KIAA1755: variants seen among roughly 807,000 people sequenced by gnomAD.
KIAA1755 encodes the protein KIAA1755.
Under a neutral mutation model 91.7 loss-of-function variants are expected in KIAA1755, and 68 were observed. The ratio of observed to expected loss-of-function variants is 0.74; its 90% CI spans 0.61 to 0.91. The LOEUF (loss-of-function observed/expected upper bound fraction) is 0.91. KIAA1755 is among the 40% of genes least tolerant of loss of function. The pLI, the probability that KIAA1755 is intolerant of heterozygous loss-of-function variation, is 0.00. For synonymous variants in KIAA1755, 610 were observed against 604.6 expected (o/e 1.01, Z -0.13); for missense variants, 1,535 against 1,494.4 (o/e 1.03, Z -0.45).
At chr20:38,221,633 G>A (rs1276945396) in intron 10 of KIAA1755, among the ~76,000 whole-genome samples, 2 of 152,136 alleles carry the variant, frequency 1.3e-5, no homozygotes, top group Admixed American at 6.5e-5. Flanking sequence ...AGCTACCTCG[G>A]AGTGAATTAA....
chr20:38,255,689 G>T (rs759713800), intron 1 of KIAA1755, among the ~76,000 whole-genome samples: 1 of 152,044 alleles, frequency 6.6e-6, no homozygotes, highest in African/African-American at 2.4e-5. Flanking sequence ...TTTTATTTTT[G>T]TGTGGGTGGA....
In KIAA1755 at chr20:38,240,652, G is replaced by A; in HGVS notation, c.1479C>T (p.His493=). The change falls in exon 3 of 14, where the codon CAC becomes CAT. Residue 493 remains histidine, a synonymous_variant. Coordinates refer to ENST00000279024, the MANE Select transcript of KIAA1755 (RefSeq NM_001029864.2). ...SVTPEKASLQ[H]NGPWKVLCSL... is the part of the protein sequence containing the mutation. ...AACACAGGACTTTCCAGGGCCCATT[G>A]TGCTGGAGTGAGGCTTTCTCCGGGG... The A allele has an allele frequency of 6.5e-7, 1 of 1,533,846 alleles. No homozygotes were observed. The highest frequency in any genetic ancestry group is 2.3e-5 in the East Asian group (1 of 44,290).
At position 38,223,548 on chromosome 20, in the gene KIAA1755, C is replaced by A. The variant is rs988541717; in HGVS notation, c.2258G>T (p.Gly753Val). The A allele has an allele frequency of 6.3e-7, 1 of 1,595,204 alleles. No homozygotes were observed. The highest frequency in any genetic ancestry group is 1.4e-5 in the African/African-American group (1 of 73,592). Residue 753 changes from glycine to valine, a missense_variant, in exon 9 of 14, where the codon GGG (glycine) becomes GTG (valine). Coordinates refer to ENST00000279024, the MANE Select transcript of KIAA1755 (RefSeq NM_001029864.2). ...IEEFEKADPP[G>V]GMQEATRCLS... is the part of the protein sequence containing the mutation. Reference sequence around the variant, plus strand: ...ATGCTCCAGGCTCACCTGCATCCCCCCAGGGGGGTCGGCCTTCTCGAATTC... The same window carrying A: ...ATGCTCCAGGCTCACCTGCATCCCCACAGGGGGGTCGGCCTTCTCGAATTC...
rs1051151602 is a variant in KIAA1755 at position 38,212,916 on chromosome 20, G to T, written c.*126C>A. On this transcript the variant is annotated 3_prime_UTR_variant, in exon 14 of 14. Coordinates refer to ENST00000279024, the MANE Select transcript of KIAA1755 (RefSeq NM_001029864.2). ...GACAGTTCTCATCCTCCCAGCAGAG[G>T]CAGAATGTAAAACCAGTGCTCCATG... 9 of 716,606 alleles carry T rather than the reference G, an allele frequency of 1.3e-5. No homozygotes were observed. The highest frequency in any genetic ancestry group is 2.0e-5 in the Non-Finnish European group (9 of 449,694). The allele number at this position is 716,606 out of a possible 1,614,324, so 44.4% of individuals were successfully genotyped here. A position where few individuals can be genotyped will look rare whatever the true frequency, so the allele number is the denominator to read the frequency against.
At chr20:38,228,538 C>T (rs1465042741) in intron 5 of KIAA1755, among the ~76,000 whole-genome samples, 1 of 152,178 alleles carries the variant, frequency 6.6e-6, no homozygotes, top group African/African-American at 2.4e-5. Context: ...ACTTGGGACT[C>T]ATCCACTTTT....
Position 38,227,243 on chromosome 20 carries a change from G to A in KIAA1755, c.1966-3C>T, listed in dbSNP as rs778490709. 6.2e-7 allele frequency: 1 copy of A among 1,612,420 alleles called. No individual in the cohort carries two copies. The highest frequency in any genetic ancestry group is 8.5e-7 in the Non-Finnish European group (1 of 1,178,814). ...CGGATAGAGGCTGGGACCTGAGCCT[G>A]TCAAAGACAACCACTGCAGAGTTGC... On this transcript the variant is annotated splice_region_variant and splice_polypyrimidine_tract_variant and intron_variant, in intron 6 of 13. Coordinates refer to ENST00000279024, the MANE Select transcript of KIAA1755 (RefSeq NM_001029864.2).
rs75723915 is a variant in KIAA1755 at position 38,231,411 on chromosome 20, G to A, written c.1748-86C>T. 4,313 of 1,393,388 alleles carry A rather than the reference G, an allele frequency of 3.1e-3. 72 individuals carry two copies. In the East Asian group the frequency reaches 0.047, roughly 15 times the overall value. The allele number at this position is 1,393,388 out of a possible 1,614,324, so 86.3% of individuals were successfully genotyped here. A position where few individuals can be genotyped will look rare whatever the true frequency, so the allele number is the denominator to read the frequency against. Reference sequence around the variant, plus strand: ...TCCTGTGGCCTGCAGACCTTTGGCCGTAACGGTTCCTTTGCCTGGAACACC... The same window carrying A: ...TCCTGTGGCCTGCAGACCTTTGGCCATAACGGTTCCTTTGCCTGGAACACC... On this transcript the variant is annotated intron_variant, in intron 4 of 13. Transcript: ENST00000279024.
chr20:38,223,620 A>G lies in KIAA1755; in HGVS notation c.2186T>C (p.Leu729Pro). The change falls in exon 9 of 14, where the codon CTT (leucine) becomes CCT (proline). Residue 729 changes from leucine (L) to proline (P), a missense_variant. Coordinates refer to ENST00000279024, the MANE Select transcript of KIAA1755 (RefSeq NM_001029864.2). ...VHFFQKLDPF[L>P]ADLHQASSLL... ...GGAAGAGGCCTGGTGGAGGTCAGCA[A>G]GGAAAGGGTCCAGCTTCTGCAGGAC... is the stretch of plus-strand genomic sequence containing the variant. 1.2e-6 allele frequency: 2 copies of G among 1,605,982 alleles called. No homozygotes were observed.
intron 5 of KIAA1755, among the ~76,000 whole-genome samples, chr20:38,228,975 T>A (rs2075810894): frequency 6.6e-6 from 1 of 152,130 alleles, no homozygotes; most frequent in Non-Finnish European, 1.5e-5. Flanking sequence ...TCAAGACTTG[T>A]TAAAATACAG....
At chr20:38,218,469 T>C in intron 11 of KIAA1755, 103 bp from the exon 12 acceptor site, 1 of 1,478,990 alleles carries the variant, frequency 6.8e-7, no homozygotes, top group Non-Finnish European at 9.1e-7. Context: ...TCTTCACTCA[T>C]TCAGTGGCTA....
intron 1 of KIAA1755, among the ~76,000 whole-genome samples, chr20:38,253,803 G>A (rs536943174): frequency 6.6e-6 from 1 of 152,334 alleles, no homozygotes; most frequent in East Asian, 1.9e-4. Flanking sequence ...GTGAGAGTAT[G>A]TGTTTTTAAG....
At chr20:38,254,727 A>G (rs934872380) in intron 1 of KIAA1755, among the ~76,000 whole-genome samples, 4 of 152,096 alleles carry the variant, frequency 2.6e-5, no homozygotes, top group Non-Finnish European at 5.9e-5. Flanking sequence ...TGGAGACTGC[A>G]GTAAACTATG....
In KIAA1755 at chr20:38,211,104, G is replaced by T. The variant is rs2075446236; in HGVS notation, c.*1938C>A. 6.6e-6 allele frequency: 1 copy of T among 152,258 alleles called. No homozygotes were observed. The highest frequency in any genetic ancestry group is 2.4e-5 in the African/African-American group (1 of 41,474). 9.4% of individuals were successfully genotyped at this position (152,258 alleles called of 1,614,324 possible). A position where few individuals can be genotyped will look rare whatever the true frequency, so the allele number is the denominator to read the frequency against. On this transcript the variant is annotated 3_prime_UTR_variant, in exon 14 of 14. Transcript: ENST00000279024. The stretch of plus-strand genomic sequence containing the variant: ...TAATGTCTGGGGTAGGATTCCCTAG[G>T]AAGCCTTTTGACCGGCTCTGCTCAT...
At chr20:38,223,722 T>TGGGAGGC (rs1395710552) in intron 8 of KIAA1755, 86 bp from the exon 9 acceptor site, 1 of 929,558 alleles carries the variant, frequency 1.1e-6, no homozygotes, top group African/African-American at 1.7e-5. Context: ...AGAGGGGAGG[T>TGGGAGGC]GGGAGGCAGT....
chr20:38,257,388 C>G (rs774647558), intron 1 of KIAA1755, among the ~76,000 whole-genome samples: 33 of 152,086 alleles, frequency 2.2e-4, no homozygotes, highest in Non-Finnish European at 3.4e-4. Context: ...TGAGACCAGA[C>G]TGGCCAACAT....
At chr20:38,240,463 TA>T in intron 3 of KIAA1755, 118 bp downstream of exon 3, 1 of 1,042,932 alleles carries the variant, frequency 9.6e-7, no homozygotes, top group Non-Finnish European at 1.3e-6. Context: ...CACTGTATAC[TA>T]AACCCCTGAA....
chr20:38,258,903 T>C (rs1314474672), intron 1 of KIAA1755, among the ~76,000 whole-genome samples: 1 of 152,190 alleles, frequency 6.6e-6, no homozygotes, highest in African/African-American at 2.4e-5. Context: ...TCTGAGGATC[T>C]GGGGTTCAAT....
In KIAA1755 at chr20:38,239,653, A is replaced by G. The variant is rs1334696109; in HGVS notation, c.1622T>C (p.Leu541Ser). The G allele has an allele frequency of 6.2e-7, 1 of 1,607,102 alleles. No homozygotes were observed. The highest frequency in any genetic ancestry group is 8.5e-7 in the Non-Finnish European group (1 of 1,177,468). ...TGGGGAGCCTGCAGAAGCTTCTGGC[A>G]AGGCAGCCTTTTCCTCAGTCAGTGG... ...PSPLTEEKAA[L>S]PEASAGSPER... The change falls in exon 4 of 14, where the codon TTG becomes TCG. Residue 541 changes from leucine (L) to serine (S), a missense_variant. By Grantham distance (145) the Leu-to-Ser change is moderately radical. Transcript: ENST00000279024.
chr20:38,226,764 T>C (rs1273927647), intron 7 of KIAA1755, among the ~76,000 whole-genome samples: 1 of 152,172 alleles, frequency 6.6e-6, no homozygotes, highest in Non-Finnish European at 1.5e-5. Flanking sequence ...AAAAAGGCAC[T>C]GGAGTCAGGT....
Sources: allele counts gnomAD v4.1 joint callset (sites outside exome capture counted in the v4.1 genomes callset), GRCh38; gene constraint gnomAD v4.1.1; transcripts MANE v1.5; gene names NCBI Gene and HGNC (gene_info 2026-07-23, HGNC 2026-07-21).